Variants in NMNAT2 observed in about 807,000 individuals in gnomAD.
NMNAT2 encodes nicotinamide/nicotinic acid mononucleotide adenylyltransferase 2.
A neutral mutation model predicts 41.6 loss-of-function variants in NMNAT2; 11 were observed. That is an observed-to-expected ratio of 0.26 (90% CI 0.17 to 0.44). The LOEUF is 0.44. Ranked by LOEUF, NMNAT2 falls within the 20% of genes least tolerant of loss-of-function variation. NMNAT2 has a pLI of 1.00. For missense variants in NMNAT2, 288 were observed against 407.7 expected, an observed-to-expected ratio of 0.71 and a Z score of 2.53; for synonymous variants, 148 against 151.2, an observed-to-expected ratio of 0.98 and a Z score of 0.16.
At chr1:183,264,620 C>T (rs894759536) in intron 8 of NMNAT2, among the ~76,000 whole-genome samples, 6 of 152,264 alleles carry the variant, frequency 3.9e-5, no homozygotes, top group Non-Finnish European at 5.9e-5. Context: ...CCCCAAAGCA[C>T]GCCTTGCTCA....
chr1:183,253,208 A>G (rs1348505084), intron 10 of NMNAT2, among the ~76,000 whole-genome samples: 5 of 148,836 alleles, frequency 3.4e-5, no homozygotes, highest in Non-Finnish European at 7.4e-5. Flanking sequence ...ATCATATAAT[A>G]TAGTATATCT....
At chr1:183,400,626 A>C (rs1344891961) in intron 1 of NMNAT2, among the ~76,000 whole-genome samples, 1 of 152,194 alleles carries the variant, frequency 6.6e-6, no homozygotes, top group East Asian at 1.9e-4. Flanking sequence ...AGCCAAAAGA[A>C]CAGAGCTGGA....
At chr1:183,297,819 G>A (rs887902990) in intron 1 of NMNAT2, among the ~76,000 whole-genome samples, 1 of 152,148 alleles carries the variant, frequency 6.6e-6, no homozygotes, top group Non-Finnish European at 1.5e-5. Context: ...ACAAATGTTA[G>A]CAAATAGAAT....
At position 183,261,232 on chromosome 1, in the gene NMNAT2, C is replaced by T; in HGVS notation, c.723G>A (p.Met241Ile). 1 of 1,614,164 alleles carries T rather than the reference C, an allele frequency of 6.2e-7. No individual in the cohort carries two copies. The highest frequency in any genetic ancestry group is 8.5e-7 in the Non-Finnish European group (1 of 1,180,028). ...ATTTGCGGAGTATTGAGGAGTGATTCATGATTCGGTCTGTGTCGGCTGCAT... is the reference window on the plus strand; with the variant it reads ...ATTTGCGGAGTATTGAGGAGTGATTTATGATTCGGTCTGTGTCGGCTGCAT... The part of the protein sequence containing the change: ...PRDAADTDRI[M>I]NHSSILRKYK... Residue 241 changes from methionine (M) to isoleucine (I), a missense_variant, in exon 9 of 11, where the codon ATG becomes ATA. Met to Ile is a conservative substitution (Grantham distance 10). This residue lies in a region of NMNAT2 where 181 missense variants were observed against 213.7 expected (regional missense o/e 0.85). Coordinates refer to ENST00000287713, the MANE Select transcript of NMNAT2 (RefSeq NM_015039.4).
intron 1 of NMNAT2, among the ~76,000 whole-genome samples, chr1:183,362,384 A>G (rs1345055156): frequency 6.6e-6 from 1 of 152,182 alleles, no homozygotes; most frequent in Non-Finnish European, 1.5e-5. Context: ...TCACCCAAAA[A>G]AAGAAACCCA....
chr1:183,324,554 G>A (rs1444870701), intron 1 of NMNAT2, among the ~76,000 whole-genome samples: 1 of 152,090 alleles, frequency 6.6e-6, no homozygotes, highest in Non-Finnish European at 1.5e-5. Flanking sequence ...CTCAGTTCAA[G>A]CCTCTCTGCC....
chr1:183,342,904 T>G (rs1397960371), intron 1 of NMNAT2, among the ~76,000 whole-genome samples: 1 of 150,086 alleles, frequency 6.7e-6, no homozygotes, highest in African/African-American at 2.4e-5. Context: ...TGGCTAATTA[T>G]TATTATTATT....
chr1:183,414,146 A>C (rs1214619828), intron 1 of NMNAT2, among the ~76,000 whole-genome samples: 3 of 152,224 alleles, frequency 2.0e-5, no homozygotes, highest in Non-Finnish European at 4.4e-5. Flanking sequence ...AAAAGATAAT[A>C]GTTTTTGGAG....
At chr1:183,359,412 G>A (rs1663260947) in intron 1 of NMNAT2, among the ~76,000 whole-genome samples, 1 of 152,148 alleles carries the variant, frequency 6.6e-6, no homozygotes, top group African/African-American at 2.4e-5. Context: ...ACCCAGTGGT[G>A]TGTGAACCAC....
At chr1:183,343,039 C>T (rs977922488) in intron 1 of NMNAT2, among the ~76,000 whole-genome samples, 1 of 152,054 alleles carries the variant, frequency 6.6e-6, no homozygotes. Context: ...CACCATCCAG[C>T]CTCAAACTCA....
At chr1:183,385,680 T>C (rs1202369126) in intron 1 of NMNAT2, among the ~76,000 whole-genome samples, 1 of 152,158 alleles carries the variant, frequency 6.6e-6, no homozygotes, top group East Asian at 1.9e-4. Context: ...ACATATGAGA[T>C]TTGGCCACCC....
At chr1:183,403,103 T>C (rs1648859260) in intron 1 of NMNAT2, among the ~76,000 whole-genome samples, 1 of 152,012 alleles carries the variant, frequency 6.6e-6, no homozygotes, top group Non-Finnish European at 1.5e-5. Flanking sequence ...CCAGCTAATT[T>C]TTGTATTTTT....
At chr1:183,321,502 A>C (rs1232234523) in intron 1 of NMNAT2, among the ~76,000 whole-genome samples, 1 of 152,178 alleles carries the variant, frequency 6.6e-6, no homozygotes. Flanking sequence ...GCACTTTGGG[A>C]GGCCGAGGCA....
Position 183,278,628 on chromosome 1 carries a change from C to A in NMNAT2, c.576G>T (p.Glu192Asp). 1 of 1,613,288 alleles carries A rather than the reference C, an allele frequency of 6.2e-7. No individual in the cohort carries two copies. The highest frequency in any genetic ancestry group is 1.1e-5 in the South Asian group (1 of 91,058). The change falls in exon 8 of 11, where the codon GAG becomes GAT. Residue 192 changes from glutamate to aspartate, a missense_variant and splice_region_variant. By Grantham distance (45) the Glu-to-Asp change is conservative (BLOSUM62 2). Transcript: ENST00000287713. ...TACCACACAGCAGCAGGATCCGTAG[C>A]TCTGAGGAAGGGGAGCAAAGTTTGC... ...LGTVMRYEEI[E>D]LRILLLCGSD...
chr1:183,284,847 G>C (rs375951293), intron 5 of NMNAT2, 57 bp from the exon 6 acceptor site: 2 of 1,455,176 alleles, frequency 1.4e-6, no homozygotes, highest in African/African-American at 2.8e-5. Flanking sequence ...CTCACAACTG[G>C]CACTCATGTC....
Position 183,394,788 on chromosome 1 carries a change from G to A in NMNAT2, c.85+23395C>T, listed in dbSNP as rs1008801395. Among the ~76,000 whole-genome samples the A allele has an allele frequency of 2.0e-5, 3 of 152,310 alleles. No individual in the cohort carries two copies. In the South Asian group the frequency reaches 6.2e-4, roughly 32 times the overall value. On this transcript the variant is annotated intron_variant, in intron 1 of 10. Coordinates refer to ENST00000287713, the MANE Select transcript of NMNAT2 (RefSeq NM_015039.4). Reference sequence around the variant, plus strand: ...GAGGTCCTCTGCCCAGCAGGAACAGGCAGATGTCTTCGCAAGTCACTCCAT... The same window carrying A: ...GAGGTCCTCTGCCCAGCAGGAACAGACAGATGTCTTCGCAAGTCACTCCAT...
chr1:183,309,502 C>T (rs562374263), intron 1 of NMNAT2, among the ~76,000 whole-genome samples: 16 of 152,226 alleles, frequency 1.1e-4, no homozygotes, highest in Non-Finnish European at 2.1e-4. Flanking sequence ...ATACTTGGCA[C>T]GTTAATGTGT....
chr1:183,331,705 C>G (rs778808896), intron 1 of NMNAT2, among the ~76,000 whole-genome samples: 21 of 152,232 alleles, frequency 1.4e-4, no homozygotes, highest in Admixed American at 9.8e-4. Flanking sequence ...AGGACCTTCC[C>G]TCCCCAGGGG....
intron 1 of NMNAT2, among the ~76,000 whole-genome samples, chr1:183,326,375 CAAAAAAAAAAA>C (rs58330585): frequency 1.4e-5 from 1 of 69,152 alleles, no homozygotes; most frequent in Non-Finnish European, 2.5e-5. Flanking sequence ...GACTCCATCT[CAAAAAAAAAAA>C]AAAAAAAAAA....
Sources: gnomAD v4.1 joint callset for allele counts (sites outside exome capture counted in the v4.1 genomes callset) on GRCh38, gnomAD v4.1.1 for gene constraint, gnomAD v4.1.1 regional missense constraint, MANE v1.5 for transcripts, NCBI Gene and HGNC (gene_info 2026-07-23, HGNC 2026-07-21) for gene names.